ATG10: variants seen among roughly 807,000 people sequenced by gnomAD.
ATG10 encodes the protein autophagy related 10.
ATG10 carries 30 observed loss-of-function variants against 32.1 expected under a neutral mutation model. The observed-to-expected ratio is 0.94, with a 90% CI of 0.70 to 1.27. ATG10 has a LOEUF of 1.27. Among genes scored for constraint, ATG10 ranks in the 50% most tolerant of loss-of-function variants. The probability of loss-of-function intolerance (pLI) is 0.00; values close to 1 mark genes in which losing one functional copy is unlikely to be tolerated. For missense variants in ATG10, 233 were observed against 262.3 expected, an observed-to-expected ratio of 0.89 and a Z score of 0.77; for synonymous variants, 87 against 91.5, an observed-to-expected ratio of 0.95 and a Z score of 0.28.
intron 3 of ATG10, among the ~76,000 whole-genome samples, chr5:82,068,355 A>G (rs1764006676): frequency 6.6e-6 from 1 of 152,156 alleles, no homozygotes; most frequent in Non-Finnish European, 1.5e-5. Context: ...CAATGAGAAT[A>G]CATGGACACA....
Position 82,239,076 on chromosome 5 carries a change from C to T in ATG10, c.454-13486C>T, listed in dbSNP as rs562098975. Among the ~76,000 whole-genome samples the T allele has an allele frequency of 7.2e-5, 11 of 152,252 alleles. No homozygotes were observed. In the South Asian group the frequency reaches 1.2e-3, roughly 17 times the overall value. ...AACCATCTCCTCAAATCCTCTCCTT[C>T]GTTCTTAGATACACATTGGAAGAAA... On this transcript the variant is annotated intron_variant, in intron 5 of 7. Coordinates refer to ENST00000282185, the MANE Select transcript of ATG10 (RefSeq NM_031482.5).
chr5:82,157,322 T>C lies in ATG10; in HGVS notation c.217-7077T>C, dbSNP rs569812158. The stretch of plus-strand genomic sequence containing the variant: ...CACTAAGATATTATCCTTGGGATCA[T>C]CTTATAACCACCCTTTTTTGTTTCA... On this transcript the variant is annotated intron_variant, in intron 3 of 7. Coordinates refer to ENST00000282185, the MANE Select transcript of ATG10 (RefSeq NM_031482.5). Among the ~76,000 whole-genome samples the C allele has an allele frequency of 2.4e-4, 36 of 152,324 alleles. 1 individual carries two copies. The Middle Eastern group carries it at 0.02, about 86-fold the overall frequency.
At chr5:82,085,959 A>G (rs757923054) in intron 3 of ATG10, among the ~76,000 whole-genome samples, 31 of 152,298 alleles carry the variant, frequency 2.0e-4, no homozygotes, top group Non-Finnish European at 3.8e-4. Flanking sequence ...ATAATAATGG[A>G]TTACAATAGA....
chr5:82,158,014 G>T (rs1273174126), intron 3 of ATG10, among the ~76,000 whole-genome samples: 1 of 152,126 alleles, frequency 6.6e-6, no homozygotes, highest in African/African-American at 2.4e-5. Flanking sequence ...TAGAGATATG[G>T]ATCTCATTTC....
intron 5 of ATG10, among the ~76,000 whole-genome samples, chr5:82,222,616 AG>A (rs1043395143): frequency 5.9e-5 from 9 of 152,234 alleles, no homozygotes; most frequent in African/African-American, 2.2e-4. Flanking sequence ...AAATAGAGAA[AG>A]ATTCATATAT....
chr5:82,065,164 C>G (rs1763901455), intron 3 of ATG10, among the ~76,000 whole-genome samples: 1 of 152,114 alleles, frequency 6.6e-6, no homozygotes, highest in Admixed American at 6.6e-5. Flanking sequence ...CAGTGACCAA[C>G]AGAAGTATGT....
At chr5:82,230,732 CAAAAAAAAA>C (rs397881697) in intron 5 of ATG10, among the ~76,000 whole-genome samples, 1 of 58,804 alleles carries the variant, frequency 1.7e-5, no homozygotes, top group Non-Finnish European at 3.1e-5. Flanking sequence ...GACTCCGTCT[CAAAAAAAAA>C]AAAAAAAAAA....
At chr5:82,091,090 A>G (rs796749981) in intron 3 of ATG10, among the ~76,000 whole-genome samples, 8 of 152,338 alleles carry the variant, frequency 5.3e-5, no homozygotes, top group African/African-American at 1.9e-4. Flanking sequence ...ATGAATTTCT[A>G]CTTGATGTGA....
At chr5:82,211,131 G>A (rs1045935151) in intron 5 of ATG10, among the ~76,000 whole-genome samples, 11 of 152,250 alleles carry the variant, frequency 7.2e-5, no homozygotes, top group Non-Finnish European at 1.3e-4. Flanking sequence ...CAGCACGATA[G>A]CTCCCAGTTG....
chr5:82,246,913 TGTAGTAATTCTTG>T (rs1747059120), intron 5 of ATG10, among the ~76,000 whole-genome samples: 1 of 32 alleles, frequency 0.031, no homozygotes, highest in Non-Finnish European at 0.042. Flanking sequence ...TTCTGAAGAA[TGTAGTAATTCTTG>T]GTTGACAGTT....
At chr5:82,123,764 CAAAAAA>C (rs1178883742) in intron 3 of ATG10, among the ~76,000 whole-genome samples, 8 of 56,788 alleles carry the variant, frequency 1.4e-4, no homozygotes, top group South Asian at 1.5e-3. Context: ...ACTGTCTGTA[CAAAAAA>C]AAAAAAAAAA....
At chr5:82,015,522 G>A (rs1361177386) in intron 2 of ATG10, among the ~76,000 whole-genome samples, 7 of 152,118 alleles carry the variant, frequency 4.6e-5, no homozygotes, top group Non-Finnish European at 7.4e-5. Flanking sequence ...GGCTTTGTTC[G>A]TGTCTTTTTA....
chr5:82,076,716 A>G (rs1160076978), intron 3 of ATG10, among the ~76,000 whole-genome samples: 2 of 152,216 alleles, frequency 1.3e-5, no homozygotes, highest in African/African-American at 2.4e-5. Flanking sequence ...GAAGTCAGAT[A>G]ATATTATCAA....
Position 82,058,992 on chromosome 5 carries a change from C to A in ATG10, c.216+390C>A, listed in dbSNP as rs935914112. Among the ~76,000 whole-genome samples the A allele has an allele frequency of 5.3e-5, 8 of 151,850 alleles. No individual in the cohort carries two copies. The South Asian group carries it at 1.0e-3, about 20-fold the overall frequency. On this transcript the variant is annotated intron_variant, in intron 3 of 7. Transcript: ENST00000282185. ...TCTGTTGTCTATTGATTTTTTTTTCCAAGTAAAATTCCCTGAATATAGCCC... is the reference window on the plus strand; with the variant it reads ...TCTGTTGTCTATTGATTTTTTTTTCAAAGTAAAATTCCCTGAATATAGCCC...
intron 3 of ATG10, among the ~76,000 whole-genome samples, chr5:82,102,364 G>A (rs1039731508): frequency 2.6e-5 from 4 of 152,034 alleles, no homozygotes; most frequent in African/African-American, 4.8e-5. Context: ...TTAGGCTATT[G>A]TGTCCTTCCC....
At chr5:82,215,231 T>C (rs1243548383) in intron 5 of ATG10, among the ~76,000 whole-genome samples, 5 of 152,174 alleles carry the variant, frequency 3.3e-5, no homozygotes, top group Non-Finnish European at 5.9e-5. Flanking sequence ...GGCTTCTCCA[T>C]AGAACGTCTT....
chr5:81,978,805 G>T (rs529158050), intron 1 of ATG10, among the ~76,000 whole-genome samples: 2 of 152,012 alleles, frequency 1.3e-5, no homozygotes, highest in Non-Finnish European at 2.9e-5. Flanking sequence ...ATCAGTTTGT[G>T]TAAGAAAGGT....
At chr5:82,068,861 T>C (rs904182298) in intron 3 of ATG10, among the ~76,000 whole-genome samples, 3 of 150,590 alleles carry the variant, frequency 2.0e-5, no homozygotes, top group Non-Finnish European at 3.0e-5. Context: ...GTTGACTTTA[T>C]AATCGAATCT....
chr5:82,040,680 G>T (rs1030241774), intron 2 of ATG10, among the ~76,000 whole-genome samples: 1 of 152,284 alleles, frequency 6.6e-6, no homozygotes, highest in Middle Eastern at 3.4e-3. Context: ...GCTTCTCTTT[G>T]TGTGATTAAA....
Sources: allele counts gnomAD v4.1 joint callset (sites outside exome capture counted in the v4.1 genomes callset), GRCh38; gene constraint gnomAD v4.1.1; transcripts MANE v1.5; gene names NCBI Gene and HGNC (gene_info 2026-07-23, HGNC 2026-07-21).